The following HFM1 variants were observed in gnomAD, a reference collection of about 807,000 sequenced individuals.
HFM1 encodes the protein helicase for meiosis 1.
HFM1 carries 169 observed loss-of-function variants against 192.1 expected under a neutral mutation model. The observed-to-expected ratio is 0.88, with a 90% CI of 0.78 to 1.00. The LOEUF is 1.00. HFM1 is among the 50% of genes least tolerant of loss of function. The probability of loss-of-function intolerance (pLI) is 0.00; values close to 1 mark genes in which losing one functional copy is unlikely to be tolerated. For missense variants in HFM1, 1,661 were observed against 1,668.0 expected (o/e 1.00, Z 0.07); for synonymous variants, 525 against 537.8 (o/e 0.98, Z 0.33).
intron 31 of HFM1, 69 bp from the exon 32 acceptor site, chr1:91,276,812 T>C (rs1174786614): frequency 1.1e-6 from 1 of 902,934 alleles, no homozygotes; most frequent in Non-Finnish European, 1.7e-6. Flanking sequence ...CAAATTTCTT[T>C]AAAATTTCAA....
rs61798922 is a variant in HFM1, at chr1:91,338,692, G to A, written c.2335+4738C>T. On this transcript the variant is annotated intron_variant, in intron 20 of 38. Transcript: ENST00000370425. ...AGCATGCACATGGTGCACGGACCTT[G>A]TCACCACGGCCGTGGCCCCACCAGT... 8.6e-3 allele frequency among the ~76,000 whole-genome samples: 1,308 copies of A among 152,260 alleles called. 10 individuals carry two copies. Among genetic ancestry groups the A allele is most frequent in the Non-Finnish European group, 0.015 (1,011 of 68,026 alleles).
At chr1:91,307,261 TG>T (rs1649748945) in intron 30 of HFM1, among the ~76,000 whole-genome samples, 1 of 152,142 alleles carries the variant, frequency 6.6e-6, no homozygotes, top group African/African-American at 2.4e-5. Flanking sequence ...GATGCAAGCT[TG>T]TATTTTTTTG....
intron 1 of HFM1, among the ~76,000 whole-genome samples, chr1:91,403,646 AT>A (rs1664542372): frequency 6.6e-6 from 1 of 152,186 alleles, no homozygotes; most frequent in Non-Finnish European, 1.5e-5. Flanking sequence ...ACAAAATTAG[AT>A]TGCCAAACAC....
rs1286538832 is a variant in HFM1, at chr1:91,385,776, C to T, written c.553G>A (p.Asp185Asn). ...GSAYSNDNEL[D>N]SHIGSVKIVQ... ...ATTTTCACTGAGCCAATGTGAGAGTCCAATTCATTGTCATTAGAATAAGCA... is the reference window on the plus strand; with the variant it reads ...ATTTTCACTGAGCCAATGTGAGAGTTCAATTCATTGTCATTAGAATAAGCA... The change falls in exon 5 of 39, where the codon GAC becomes AAC. Residue 185 changes from aspartate to asparagine, a missense_variant. Coordinates refer to ENST00000370425, the MANE Select transcript of HFM1 (RefSeq NM_001017975.6). 15 of 1,606,672 alleles carry T rather than the reference C, an allele frequency of 9.3e-6. No individual in the cohort carries two copies. Among genetic ancestry groups the T allele is most frequent in the Non-Finnish European group, 9.4e-6 (11 of 1,173,496 alleles).
intron 30 of HFM1, among the ~76,000 whole-genome samples, chr1:91,280,054 A>G (rs1476235101): frequency 6.6e-6 from 1 of 152,218 alleles, no homozygotes; most frequent in African/African-American, 2.4e-5. Flanking sequence ...AAACAAATAT[A>G]TTAATGTATA....
At chr1:91,403,166 C>T (rs1664482899) in intron 1 of HFM1, among the ~76,000 whole-genome samples, 1 of 152,094 alleles carries the variant, frequency 6.6e-6, no homozygotes, top group Non-Finnish European at 1.5e-5. Context: ...TATTATGTTT[C>T]TCCCTTTAGA....
At chr1:91,324,911 A>G in intron 20 of HFM1, 145 bp from the exon 21 acceptor site, 1 of 657,068 alleles carries the variant, frequency 1.5e-6, no homozygotes, top group Non-Finnish European at 2.8e-6. Context: ...CAGGAACACC[A>G]AATTTTAACA....
intron 13 of HFM1, among the ~76,000 whole-genome samples, chr1:91,356,244 A>ATT (rs879462206): frequency 7.0e-6 from 1 of 142,814 alleles, no homozygotes; most frequent in Non-Finnish European, 1.5e-5. Flanking sequence ...TCTAAGAGGA[A>ATT]TTTTTTTTTT....
chr1:91,386,641 T>G (rs758382915), intron 4 of HFM1, among the ~76,000 whole-genome samples: 1 of 152,190 alleles, frequency 6.6e-6, no homozygotes, highest in African/African-American at 2.4e-5. Context: ...GTCAGTAAAG[T>G]GCTTAAGAGA....
chr1:91,291,585 A>G (rs1668763012), intron 30 of HFM1, among the ~76,000 whole-genome samples: 1 of 152,232 alleles, frequency 6.6e-6, no homozygotes, highest in Non-Finnish European at 1.5e-5. Flanking sequence ...AAAAGAGTCC[A>G]GGACCAGATG....
Position 91,279,014 on chromosome 1 carries a change from C to T in HFM1, c.3392-1952G>A, listed in dbSNP as rs530982783. On this transcript the variant is annotated intron_variant, in intron 30 of 38. Transcript: ENST00000370425. ...TACTATTTTTTAAATCCTCTCACTT[C>T]CAAAAAAAAAATGTACCAAAATATC... Among the ~76,000 whole-genome samples the T allele has an allele frequency of 4.6e-5, 7 of 151,876 alleles. No homozygotes were observed. In the South Asian group the frequency reaches 1.5e-3, roughly 32 times the overall value.
At chr1:91,362,188 G>A (rs1228467913) in intron 13 of HFM1, among the ~76,000 whole-genome samples, 7 of 152,064 alleles carry the variant, frequency 4.6e-5, no homozygotes. Context: ...TGGAAGTTCT[G>A]GCAAGGGCAA....
intron 20 of HFM1, among the ~76,000 whole-genome samples, chr1:91,330,169 T>C (rs1196884430): frequency 6.6e-6 from 1 of 152,040 alleles, no homozygotes; most frequent in Middle Eastern, 3.2e-3. Context: ...ATCAGCTGAG[T>C]TGAGACTTTG....
intron 30 of HFM1, among the ~76,000 whole-genome samples, chr1:91,293,290 C>T (rs1389871108): frequency 2.2e-4 from 33 of 151,952 alleles, no homozygotes; most frequent in African/African-American, 3.6e-4. Context: ...AGAAAATTTT[C>T]GCAACCTACT....
Position 91,314,027 on chromosome 1 carries a change from A to G in HFM1, c.3174T>C (p.Ala1058=). ...GAGCTCTTTTCACAGCAATCTTTTT[A>G]GCCCAACTTCCAGCTTTTAGCAAAA... ...DSVLLKAGSW[A]KKIAVKRALK... Residue 1058 remains alanine (A), a synonymous_variant, in exon 29 of 39, where the codon GCT becomes GCC. Coordinates refer to ENST00000370425, the MANE Select transcript of HFM1 (RefSeq NM_001017975.6). 6.2e-7 allele frequency: 1 copy of G among 1,610,378 alleles called. No individual in the cohort carries two copies. The highest frequency in any genetic ancestry group is 8.5e-7 in the Non-Finnish European group (1 of 1,177,518).
chr1:91,287,895 T>C (rs377421218), intron 30 of HFM1, among the ~76,000 whole-genome samples: 9 of 151,874 alleles, frequency 5.9e-5, no homozygotes, highest in African/African-American at 1.2e-4. Context: ...ATGCGATGAA[T>C]TGGAAGAAAG....
chr1:91,402,958 A>C (rs1664458012), intron 1 of HFM1, among the ~76,000 whole-genome samples: 3 of 152,166 alleles, frequency 2.0e-5, no homozygotes, highest in African/African-American at 7.2e-5. Flanking sequence ...TATTTTCAAA[A>C]GAATTTTTGA....
intron 7 of HFM1, 33 bp from the exon 8 acceptor site, chr1:91,380,269 T>A: frequency 7.5e-7 from 1 of 1,334,156 alleles, no homozygotes; most frequent in Non-Finnish European, 1.0e-6. Context: ...TCATGTAACA[T>A]ATAGACTTTT....
intron 13 of HFM1, among the ~76,000 whole-genome samples, chr1:91,356,526 A>T (rs2101785326): frequency 6.6e-6 from 1 of 152,272 alleles, no homozygotes; most frequent in East Asian, 1.9e-4. Flanking sequence ...CTAAATAGAC[A>T]GCCTAACATT....
Sources: gnomAD v4.1 joint callset for allele counts (sites outside exome capture counted in the v4.1 genomes callset) on GRCh38, gnomAD v4.1.1 for gene constraint, MANE v1.5 for transcripts, NCBI Gene and HGNC (gene_info 2026-07-23, HGNC 2026-07-21) for gene names.